Variants in PRDM1 observed in about 807,000 individuals in gnomAD.
The protein encoded by PRDM1 is PR/SET domain 1, also known as PR domain zinc finger protein 1.
A neutral mutation model predicts 62.8 loss-of-function variants in PRDM1; 13 were observed. That is an observed-to-expected ratio of 0.21 (90% CI 0.13 to 0.33). The LOEUF is 0.33. Among genes scored for constraint, PRDM1 ranks in the 10% least tolerant of loss-of-function variants. PRDM1 has a pLI of 1.00. For missense variants in PRDM1, 895 were observed against 1,058.8 expected, an observed-to-expected ratio of 0.85 and a Z score of 2.15; for synonymous variants, 396 against 417.6, an observed-to-expected ratio of 0.95 and a Z score of 0.63.
intron 1 of PRDM1, among the ~76,000 whole-genome samples, chr6:106,056,188 T>C (rs1224158161): frequency 1.3e-5 from 2 of 152,138 alleles, no homozygotes; most frequent in Non-Finnish European, 2.9e-5. Flanking sequence ...GTCTTTGTGG[T>C]ATAGCCCAGC....
intron 1 of PRDM1, among the ~76,000 whole-genome samples, chr6:106,023,565 C>T (rs1020004789): frequency 3.3e-5 from 5 of 152,142 alleles, no homozygotes; most frequent in Non-Finnish European, 7.4e-5. Context: ...CAATGGAGGT[C>T]ATTACATTTT....
chr6:106,065,435 G>C (rs1773417385), intron 1 of PRDM1, among the ~76,000 whole-genome samples: 1 of 152,168 alleles, frequency 6.6e-6, no homozygotes, highest in Non-Finnish European at 1.5e-5. Context: ...CTCTTTTATA[G>C]CGTCTCGTGT....
intron 1 of PRDM1, among the ~76,000 whole-genome samples, chr6:106,016,710 G>A (rs368522278): frequency 1.1e-4 from 16 of 147,702 alleles, no homozygotes; most frequent in African/African-American, 2.5e-4. Flanking sequence ...GTGCAGTGGC[G>A]CAATATCGGC....
upstream of PRDM1, among the ~76,000 whole-genome samples, chr6:106,044,048 A>C (rs974554151): frequency 2.0e-5 from 3 of 152,054 alleles, no homozygotes; most frequent in South Asian, 6.2e-4. Flanking sequence ...TAACCCCACT[A>C]TATGTGTGAA....
chr6:106,104,292 A>C (rs1774369318), intron 4 of PRDM1, among the ~76,000 whole-genome samples: 1 of 151,264 alleles, frequency 6.6e-6, no homozygotes, highest in East Asian at 1.9e-4. Context: ...GCTCACCACA[A>C]CCTCCACCTC....
chr6:106,056,249 C>T (rs1773265108), intron 1 of PRDM1, among the ~76,000 whole-genome samples: 1 of 152,134 alleles, frequency 6.6e-6, no homozygotes, highest in Non-Finnish European at 1.5e-5. Context: ...AGTGAGCCCT[C>T]AGCAGCGAAA....
intron 4 of PRDM1, among the ~76,000 whole-genome samples, chr6:106,101,987 A>G (rs561363920): frequency 4.6e-5 from 7 of 152,304 alleles, no homozygotes; most frequent in Admixed American, 2.0e-4. Context: ...TTTTTTTTCT[A>G]TCTATCTAAC....
chr6:105,995,585 A>T (rs1772338742), intron 1 of PRDM1, among the ~76,000 whole-genome samples: 2 of 152,212 alleles, frequency 1.3e-5, no homozygotes, highest in African/African-American at 4.8e-5. Context: ...GAAAAATAAT[A>T]AAATGTACAC....
chr6:106,068,595 T>C (rs1386271735), intron 1 of PRDM1, among the ~76,000 whole-genome samples: 1 of 152,208 alleles, frequency 6.6e-6, no homozygotes, highest in African/African-American at 2.4e-5. Context: ...TAAATTCTCC[T>C]TCTACCATCC....
intron 1 of PRDM1, among the ~76,000 whole-genome samples, chr6:106,067,915 T>TA (rs1773457938): frequency 6.6e-6 from 1 of 152,170 alleles, no homozygotes; most frequent in Non-Finnish European, 1.5e-5. Context: ...GTACATTTGG[T>TA]AAAAATTTAG....
At chr6:106,080,972 C>T (rs1773685268) in intron 1 of PRDM1, among the ~76,000 whole-genome samples, 1 of 152,202 alleles carries the variant, frequency 6.6e-6, no homozygotes, top group Admixed American at 6.5e-5. Flanking sequence ...AGATGGAGAA[C>T]AGATAAGCCA....
At chr6:106,061,471 C>A (rs1026098456) in intron 1 of PRDM1, among the ~76,000 whole-genome samples, 2 of 152,230 alleles carry the variant, frequency 1.3e-5, no homozygotes, top group African/African-American at 4.8e-5. Flanking sequence ...CAGGATGTCC[C>A]TGGTTTTCCT....
chr6:106,015,518 T>C (rs1772608162), intron 1 of PRDM1, among the ~76,000 whole-genome samples: 1 of 151,794 alleles, frequency 6.6e-6, no homozygotes, highest in East Asian at 1.9e-4. Context: ...GATTTGCTGC[T>C]GTTTGCTAAA....
chr6:106,020,270 A>G (rs1772680889), intron 1 of PRDM1, among the ~76,000 whole-genome samples: 3 of 151,488 alleles, frequency 2.0e-5, no homozygotes, highest in Admixed American at 6.6e-5. Flanking sequence ...CTTGTATGCC[A>G]GGCGGTTTAC....
rs887746681 is a variant in PRDM1 at position 105,994,879 on chromosome 6, G to A, written c.-67+1240G>A. On this transcript the variant is annotated intron_variant, in intron 1 of 6. Coordinates refer to the PRDM1 transcript ENST00000652320. The surrounding 1 kb of genome is among the most constrained non-coding windows in gnomAD (Gnocchi z 4.1). ...GCGAGCCCGGCCACGCGGTCCGACC[G>A]GGTCCGGGGACGGCGCGCTTGTCGC... Among the ~76,000 whole-genome samples, 1 of 152,348 alleles carries A rather than the reference G, an allele frequency of 6.6e-6. No individual in the cohort carries two copies. The highest frequency in any genetic ancestry group is 3.4e-3 in the Middle Eastern group (1 of 294).
At chr6:106,009,239 T>C (rs1264131389) in intron 1 of PRDM1, among the ~76,000 whole-genome samples, 2 of 152,218 alleles carry the variant, frequency 1.3e-5, no homozygotes, top group Non-Finnish European at 2.9e-5. Context: ...TTGAAGTATG[T>C]ATGTGACAAT....
chr6:106,077,388 T>G (rs1216047005), intron 1 of PRDM1, among the ~76,000 whole-genome samples: 7 of 151,488 alleles, frequency 4.6e-5, no homozygotes, highest in Non-Finnish European at 8.8e-5. Context: ...TGAATCACAG[T>G]TAGAGCATGA....
rs1289910835 is a variant in PRDM1, at chr6:106,106,364, T to G, written c.1774-7T>G. 4 of 1,614,076 alleles carry G rather than the reference T, an allele frequency of 2.5e-6. No individual in the cohort carries two copies. Among genetic ancestry groups the G allele is most frequent in the Admixed American group, 1.7e-5 (1 of 60,030 alleles). On this transcript the variant is annotated splice_polypyrimidine_tract_variant and splice_region_variant and intron_variant, in intron 5 of 6. Transcript: ENST00000369096. This position sits in a 1 kb window ranked among gnomAD's most constrained non-coding sequence, Gnocchi z 4.4. ...GAGCAGAGCTAACACATGTGGCTTC[T>G]TCCCAGGTCCACCTGAGAGTGCACA...
chr6:106,088,028 C>CT (rs1448941444), intron 1 of PRDM1, 173 bp from the exon 2 acceptor site: 1 of 290,878 alleles, frequency 3.4e-6, no homozygotes, highest in Non-Finnish European at 5.3e-6. Context: ...AAAAACCTTG[C>CT]TTCTTTTCAA....
Sources: gnomAD v4.1 joint callset for allele counts (sites outside exome capture counted in the v4.1 genomes callset) on GRCh38, gnomAD v4.1.1 for gene constraint, Gnocchi (gnomAD v3.1) non-coding constraint, MANE v1.5 for transcripts, NCBI Gene and HGNC (gene_info 2026-07-23, HGNC 2026-07-21) for gene names.